Variants in NKAIN2 observed in about 807,000 individuals in gnomAD.
NKAIN2 encodes sodium/potassium-transporting ATPase subunit beta-1-interacting protein 2.
NKAIN2 carries 14 observed loss-of-function variants against 32.6 expected under a neutral mutation model. The ratio of observed to expected loss-of-function variants is 0.43; its 90% CI spans 0.28 to 0.67. The LOEUF (loss-of-function observed/expected upper bound fraction) is 0.67, where lower values mean the gene tolerates loss of function less well. NKAIN2 is among the 30% of genes least tolerant of loss of function. The pLI is 0.17. For synonymous variants in NKAIN2, 80 were observed against 87.2 expected (o/e 0.92, Z 0.46); for missense variants, 198 against 258.3 (o/e 0.77, Z 1.60).
chr6:124,074,325 G>A (rs1287080181), intron 1 of NKAIN2, among the ~76,000 whole-genome samples: 6 of 151,746 alleles, frequency 4.0e-5, no homozygotes, highest in African/African-American at 9.7e-5. Context: ...TATTTTGTTC[G>A]TAAAATTATT....
At chr6:124,241,815 A>T (rs1049189588) in intron 1 of NKAIN2, among the ~76,000 whole-genome samples, 11 of 152,120 alleles carry the variant, frequency 7.2e-5, no homozygotes, top group Admixed American at 5.9e-4. Context: ...TATTTTTTTT[A>T]AAAGTACTAT....
intron 1 of NKAIN2, among the ~76,000 whole-genome samples, chr6:124,066,862 T>TTGTGTG (rs10574288): frequency 6.7e-6 from 1 of 149,612 alleles, no homozygotes; most frequent in African/African-American, 2.5e-5. Flanking sequence ...TTTGCTGCGT[T>TTGTGTG]TGTGTGTGTG....
At position 123,804,083 on chromosome 6, in the gene NKAIN2, G is replaced by C; in HGVS notation, c.-118G>C. ...AGGACGCTGGCAGCAGCAGCAGCCC[G>C]GAGCCCCCGAGCCCTCGGCAGGTTT... On this transcript the variant is annotated 5_prime_UTR_variant, in exon 1 of 7. Coordinates refer to ENST00000368417, the MANE Select transcript of NKAIN2 (RefSeq NM_001040214.3). The C allele has an allele frequency of 1.1e-6, 1 of 913,224 alleles. No individual in the cohort carries two copies. Among genetic ancestry groups the C allele is most frequent in the East Asian group, 2.4e-5 (1 of 41,644 alleles). 56.6% of individuals were successfully genotyped at this position (913,224 alleles called of 1,614,324 possible).
intron 1 of NKAIN2, among the ~76,000 whole-genome samples, chr6:124,102,468 G>T (rs1166208580): frequency 6.6e-6 from 1 of 152,212 alleles, no homozygotes; most frequent in Non-Finnish European, 1.5e-5. Context: ...GGAAGATAGA[G>T]TCTGGAGGTG....
rs77463260 is a variant in NKAIN2, at chr6:123,860,965, C to T, written c.54+56711C>T. 5.4e-4 allele frequency among the ~76,000 whole-genome samples: 83 copies of T among 152,306 alleles called. No individual in the cohort carries two copies. The East Asian group carries it at 0.015, about 27-fold the overall frequency. On this transcript the variant is annotated intron_variant, in intron 1 of 6. Coordinates refer to ENST00000368417, the MANE Select transcript of NKAIN2 (RefSeq NM_001040214.3). ...CCCAGGTATCTTCCCAACATCTCTCCTCCATGCCCCAGCATTGCCACTCAG... is the reference window on the plus strand; with the variant it reads ...CCCAGGTATCTTCCCAACATCTCTCTTCCATGCCCCAGCATTGCCACTCAG...
At chr6:124,494,183 A>G (rs1178751492) in intron 3 of NKAIN2, among the ~76,000 whole-genome samples, 1 of 152,176 alleles carries the variant, frequency 6.6e-6, no homozygotes, top group Non-Finnish European at 1.5e-5. Flanking sequence ...CTACAAGGCT[A>G]ATCTTCTTGA....
intron 5 of NKAIN2, chr6:124,794,836 A>T (rs1271695703): frequency 4.2e-6 from 4 of 955,710 alleles, no homozygotes; most frequent in Non-Finnish European, 5.0e-6. Context: ...CCTGATGTTT[A>T]TCCTCAGACG....
intron 3 of NKAIN2, among the ~76,000 whole-genome samples, chr6:124,369,835 T>A (rs1163475608): frequency 6.7e-6 from 1 of 149,558 alleles, no homozygotes; most frequent in Admixed American, 6.7e-5. Context: ...GGAAACTAAA[T>A]TAAGATTGGC....
chr6:123,824,014 G>T (rs1774033765), intron 1 of NKAIN2, among the ~76,000 whole-genome samples: 1 of 152,170 alleles, frequency 6.6e-6, no homozygotes, highest in South Asian at 2.1e-4. Context: ...TTGGGGTTTA[G>T]CTTTAGATTT....
intron 4 of NKAIN2, among the ~76,000 whole-genome samples, chr6:124,693,340 A>G (rs186887661): frequency 6.6e-6 from 1 of 152,322 alleles, no homozygotes; most frequent in East Asian, 1.9e-4. Context: ...GATAGGCTAT[A>G]CCACATAGCT....
intron 2 of NKAIN2, among the ~76,000 whole-genome samples, chr6:124,308,591 C>T (rs1202608385): frequency 6.6e-6 from 1 of 152,080 alleles, no homozygotes; most frequent in Non-Finnish European, 1.5e-5. Context: ...AAGATGAAGG[C>T]TTATTGTGCT....
chr6:124,409,384 T>C (rs1045054631), intron 3 of NKAIN2, among the ~76,000 whole-genome samples: 8 of 152,268 alleles, frequency 5.3e-5, no homozygotes, highest in South Asian at 2.1e-4. Flanking sequence ...AACTAATTTA[T>C]TGAGAGTTTT....
chr6:124,228,890 C>T (rs1792270143), intron 1 of NKAIN2, among the ~76,000 whole-genome samples: 1 of 152,104 alleles, frequency 6.6e-6, no homozygotes, highest in Non-Finnish European at 1.5e-5. Context: ...AAACATAGTG[C>T]CTATGTTTTA....
chr6:124,584,555 A>T (rs34192333), intron 3 of NKAIN2, among the ~76,000 whole-genome samples: 5,872 of 150,626 alleles, frequency 0.039, 193 homozygotes, highest in East Asian at 0.18. Flanking sequence ...CTGGAGGTTG[A>T]GGCAGGAGAA....
At chr6:123,859,652 T>C (rs1412960147) in intron 1 of NKAIN2, among the ~76,000 whole-genome samples, 1 of 152,200 alleles carries the variant, frequency 6.6e-6, no homozygotes, top group African/African-American at 2.4e-5. Flanking sequence ...ACATTCATCA[T>C]GTTAGAACAG....
intron 4 of NKAIN2, among the ~76,000 whole-genome samples, chr6:124,673,474 AT>A (rs1773202574): frequency 6.6e-6 from 1 of 151,966 alleles, no homozygotes; most frequent in African/African-American, 2.4e-5. Context: ...CTGTTACACC[AT>A]TTTACATTTC....
intron 1 of NKAIN2, among the ~76,000 whole-genome samples, chr6:123,898,384 T>G (rs1774385400): frequency 6.6e-6 from 1 of 152,186 alleles, no homozygotes; most frequent in Non-Finnish European, 1.5e-5. Flanking sequence ...AGTTTGACAA[T>G]TGTGCTTTTG....
intron 1 of NKAIN2, among the ~76,000 whole-genome samples, chr6:124,056,875 G>A (rs796238443): frequency 9.2e-5 from 14 of 152,106 alleles, no homozygotes; most frequent in African/African-American, 3.4e-4. Context: ...CCTGCTGGCT[G>A]TCCATCTGTA....
intron 1 of NKAIN2, among the ~76,000 whole-genome samples, chr6:123,892,143 G>A (rs1774047970): frequency 6.6e-6 from 1 of 151,992 alleles, no homozygotes; most frequent in African/African-American, 2.4e-5. Context: ...AGAAAGTGAG[G>A]GCTCCATTAC....
Sources: allele counts gnomAD v4.1 joint callset (sites outside exome capture counted in the v4.1 genomes callset), GRCh38; gene constraint gnomAD v4.1.1; transcripts MANE v1.5; gene names NCBI Gene and HGNC (gene_info 2026-07-23, HGNC 2026-07-21).